Variants in PARVA observed in about 807,000 individuals in gnomAD.
The protein encoded by PARVA is alpha-parvin.
PARVA carries 25 observed loss-of-function variants against 52.6 expected under a neutral mutation model. That is an observed-to-expected ratio of 0.48 (90% confidence interval 0.35 to 0.66). The LOEUF (loss-of-function observed/expected upper bound fraction) is 0.66. PARVA is among the 30% of genes least tolerant of loss of function. PARVA has a pLI of 0.01. For missense variants in PARVA, 373 were observed against 450.9 expected, an observed-to-expected ratio of 0.83 and a Z score of 1.56; for synonymous variants, 185 against 179.1, an observed-to-expected ratio of 1.03 and a Z score of -0.26.
intron 1 of PARVA, among the ~76,000 whole-genome samples, chr11:12,424,815 A>G (rs1452588464): frequency 6.6e-6 from 1 of 152,170 alleles, no homozygotes; most frequent in African/African-American, 2.4e-5. Flanking sequence ...GCATCCACCA[A>G]AGAATTCTTA....
intron 8 of PARVA, among the ~76,000 whole-genome samples, chr11:12,512,164 T>C (rs4332508): frequency 0.73 from 110,381 of 152,080 alleles, 40,257 homozygotes; most frequent in East Asian, 0.82. Flanking sequence ...TTGCCCGAGG[T>C]GTCTGGATGG....
chr11:12,400,416 T>C lies in PARVA; in HGVS notation c.136+22633T>C, dbSNP rs146940256. On this transcript the variant is annotated intron_variant, in intron 1 of 12. Transcript: ENST00000334956. ...TGAGTAGATTTCAAACTACTTCAGATTGGAGGGCAAGTCAATGTGTGTAGA... is the reference window on the plus strand; with the variant it reads ...TGAGTAGATTTCAAACTACTTCAGACTGGAGGGCAAGTCAATGTGTGTAGA... 5.0e-4 allele frequency among the ~76,000 whole-genome samples: 76 copies of C among 152,322 alleles called. No individual in the cohort carries two copies. In the South Asian group the frequency reaches 7.7e-3, roughly 15 times the overall value.
chr11:12,497,725 A>C (rs1216972833), intron 5 of PARVA, among the ~76,000 whole-genome samples: 1 of 152,208 alleles, frequency 6.6e-6, no homozygotes, highest in Non-Finnish European at 1.5e-5. Context: ...GATGCTATCA[A>C]GGAGAGGGGC....
In PARVA at chr11:12,454,563, C is replaced by CTAAAG. The variant is rs1329640037; in HGVS notation, c.137-19179_137-19175dup. 4.1e-5 allele frequency among the ~76,000 whole-genome samples: 6 copies of CTAAAG among 145,702 alleles called. No individual in the cohort carries two copies. The Admixed American group carries it at 4.1e-4, about 10-fold the overall frequency. On this transcript the variant is annotated intron_variant, in intron 1 of 12. Coordinates refer to ENST00000334956, the MANE Select transcript of PARVA (RefSeq NM_018222.5). ...TCTGCTTTACCCCCGCAATCCAGTTCTAAAGTATCATTTAAAAAAAAAAAA... is the reference window on the plus strand; with the variant it reads ...TCTGCTTTACCCCCGCAATCCAGTTCTAAAGTAAAGTATCATTTAAAAAAAAAAAA...
At chr11:12,381,461 T>C (rs1340516093) in intron 1 of PARVA, among the ~76,000 whole-genome samples, 1 of 152,222 alleles carries the variant, frequency 6.6e-6, no homozygotes, top group Non-Finnish European at 1.5e-5. Context: ...TGGTACCTGC[T>C]ATGTCCCACT....
chr11:12,429,290 G>A (rs1435685803), intron 1 of PARVA, among the ~76,000 whole-genome samples: 3 of 152,112 alleles, frequency 2.0e-5, no homozygotes, highest in Non-Finnish European at 2.9e-5. Context: ...TTTAAAAGAA[G>A]TACTAACCCT....
At chr11:12,378,457 G>A (rs1939437106) in intron 1 of PARVA, among the ~76,000 whole-genome samples, 1 of 152,130 alleles carries the variant, frequency 6.6e-6, no homozygotes, top group African/African-American at 2.4e-5. Flanking sequence ...CCCACCAAAG[G>A]AGAAAACCTG....
intron 5 of PARVA, among the ~76,000 whole-genome samples, chr11:12,498,510 C>T (rs1239201724): frequency 6.6e-6 from 1 of 151,296 alleles, no homozygotes; most frequent in African/African-American, 2.4e-5. Context: ...TGTTTCATTT[C>T]ACTGTTTCAT....
intron 10 of PARVA, among the ~76,000 whole-genome samples, chr11:12,515,218 T>G (rs1442113639): frequency 6.6e-6 from 1 of 152,228 alleles, no homozygotes; most frequent in Admixed American, 6.5e-5. Flanking sequence ...GGAGATATTT[T>G]GAGCCTGATG....
chr11:12,386,898 G>C (rs1405375687), intron 1 of PARVA, among the ~76,000 whole-genome samples: 1 of 152,200 alleles, frequency 6.6e-6, no homozygotes, highest in Non-Finnish European at 1.5e-5. Context: ...ACTAATGAAG[G>C]CACCTCTGTG....
chr11:12,516,947 C>T (rs1032951282), intron 10 of PARVA, among the ~76,000 whole-genome samples: 2 of 152,114 alleles, frequency 1.3e-5, no homozygotes, highest in Admixed American at 1.3e-4. Context: ...ATAACAGCTG[C>T]ACTCTGCTGC....
At chr11:12,496,302 G>A (rs1338266204) in intron 4 of PARVA, among the ~76,000 whole-genome samples, 156 bp from the exon 5 acceptor site, 3 of 151,578 alleles carry the variant, frequency 2.0e-5, no homozygotes, top group Non-Finnish European at 4.4e-5. Context: ...TGAGGGGACA[G>A]CAGTGTCCCT....
At position 12,533,298 on chromosome 11, in the gene PARVA, G is replaced by A. The variant is rs1242983323; in HGVS notation, c.*5373G>A. On this transcript the variant is annotated 3_prime_UTR_variant, in exon 13 of 13. Transcript: ENST00000334956. ...CTTCCAGCCCTCTCACCTCGGAGGA[G>A]GACTCCTGTTTTACCAACGGCAGGA... Among the ~76,000 whole-genome samples, 1 of 152,220 alleles carries A rather than the reference G, an allele frequency of 6.6e-6. No homozygotes were observed. The highest frequency in any genetic ancestry group is 2.4e-5 in the African/African-American group (1 of 41,448).
chr11:12,484,504 G>GGTGT (rs35501237), intron 4 of PARVA, among the ~76,000 whole-genome samples: 2,117 of 144,638 alleles, frequency 0.015, 44 homozygotes, highest in African/African-American at 0.048. Context: ...GTTTTGTTTT[G>GGTGT]GTGTGTGTGT....
At chr11:12,414,398 C>G (rs1940035103) in intron 1 of PARVA, among the ~76,000 whole-genome samples, 1 of 152,184 alleles carries the variant, frequency 6.6e-6, no homozygotes, top group African/African-American at 2.4e-5. Context: ...GTGTTAGCCG[C>G]CTGAAATGCC....
At chr11:12,458,597 G>A (rs569840405) in intron 1 of PARVA, among the ~76,000 whole-genome samples, 2 of 152,220 alleles carry the variant, frequency 1.3e-5, no homozygotes, top group South Asian at 2.1e-4. Context: ...AGTTTCCTGT[G>A]ATTTCTCTCC....
chr11:12,485,514 C>T (rs1226183752), intron 4 of PARVA, among the ~76,000 whole-genome samples: 3 of 152,108 alleles, frequency 2.0e-5, no homozygotes, highest in Non-Finnish European at 4.4e-5. Flanking sequence ...TGTCCAAAAC[C>T]AACCTGAGGG....
chr11:12,509,202 G>T (rs1941473954), intron 7 of PARVA, among the ~76,000 whole-genome samples: 1 of 151,162 alleles, frequency 6.6e-6, no homozygotes, highest in South Asian at 2.1e-4. Flanking sequence ...GTGAGTTTGT[G>T]ATCCCGAGAA....
intron 4 of PARVA, among the ~76,000 whole-genome samples, chr11:12,491,632 A>G (rs1941234963): frequency 6.6e-6 from 1 of 152,232 alleles, no homozygotes; most frequent in Non-Finnish European, 1.5e-5. Flanking sequence ...CTACATATTA[A>G]TAAGAAATTA....
Sources: allele counts gnomAD v4.1 joint callset (sites outside exome capture counted in the v4.1 genomes callset), GRCh38; gene constraint gnomAD v4.1.1; transcripts MANE v1.5; gene names NCBI Gene and HGNC (gene_info 2026-07-23, HGNC 2026-07-21).